ELAVL4: variants seen among roughly 807,000 people sequenced by gnomAD.
ELAVL4 encodes the protein ELAV like RNA binding protein 4, also known as ELAV-like protein 4.
In ELAVL4, 1 loss-of-function variant was observed where a neutral mutation model predicts 35.6. That is an observed-to-expected ratio of 0.03 (90% CI 0.01 to 0.13). The LOEUF is 0.13. Ranked by LOEUF, ELAVL4 falls within the 10% of genes least tolerant of loss-of-function variation. The pLI is 1.00. For missense variants in ELAVL4, 267 were observed against 464.9 expected, an observed-to-expected ratio of 0.57 and a Z score of 3.91; for synonymous variants, 156 against 171.0, an observed-to-expected ratio of 0.91 and a Z score of 0.69.
chr1:50,140,485 C>T (rs1490330799), intron 1 of ELAVL4, among the ~76,000 whole-genome samples: 3 of 152,186 alleles, frequency 2.0e-5, no homozygotes. Context: ...GTTTCATATT[C>T]GTGCATTTAA....
intron 1 of ELAVL4, among the ~76,000 whole-genome samples, chr1:50,076,972 T>A (rs1664791169): frequency 6.6e-6 from 1 of 152,038 alleles, no homozygotes; most frequent in South Asian, 2.1e-4. Context: ...CTAAGGGTAC[T>A]TCCTATTATA....
Position 50,138,072 on chromosome 1 carries a change from G to A in ELAVL4, c.10-6885G>A, listed in dbSNP as rs150225211. Among the ~76,000 whole-genome samples the A allele has an allele frequency of 4.1e-3, 631 of 152,318 alleles. 2 individuals carry two copies. Among genetic ancestry groups the A allele is most frequent in the African/African-American group, 0.014 (565 of 41,568 alleles). ...GCTGAGATAAAAGTGTGGAGGGGCC[G>A]AGTGAAGATGATTGACACTATATGC... On this transcript the variant is annotated intron_variant, in intron 1 of 6. Coordinates refer to ENST00000371824, the MANE Select transcript of ELAVL4 (RefSeq NM_001144774.3).
Position 50,195,711 on chromosome 1 carries a change from C to A in ELAVL4, c.659C>A (p.Ala220Asp). ...ANNPSQKSSQALLSQLYQSPN... is the reference protein window; with the variant it reads ...ANNPSQKSSQDLLSQLYQSPN... ...AACCCCAGCCAGAAGTCCAGCCAGG[C>A]CCTGCTCTCCCAGCTCTACCAGTCC... is the stretch of plus-strand genomic sequence containing the variant. The change falls in exon 5 of 7, where the codon GCC (alanine) becomes GAC (aspartate). Residue 220 changes from alanine to aspartate, a missense_variant. By Grantham distance (126) the Ala-to-Asp change is moderately radical. Transcript: ENST00000371824. 6.2e-7 allele frequency: 1 copy of A among 1,614,150 alleles called. No individual in the cohort carries two copies. Among genetic ancestry groups the A allele is most frequent in the Non-Finnish European group, 8.5e-7 (1 of 1,180,008 alleles).
chr1:50,104,116 C>A, upstream of ELAVL4: 1 of 1,107,900 alleles, frequency 9.0e-7, no homozygotes, highest in Non-Finnish European at 1.4e-6. Context: ...AAACCCGCTT[C>A]ATCTTATTTT....
intron 1 of ELAVL4, among the ~76,000 whole-genome samples, chr1:50,064,876 T>A: frequency 6.6e-6 from 1 of 152,200 alleles, no homozygotes; most frequent in Non-Finnish European, 1.5e-5. Context: ...CTGTCTTGCA[T>A]CCCCAAGTGG....
chr1:50,092,278 G>A (rs1162107689), intron 1 of ELAVL4, among the ~76,000 whole-genome samples: 2 of 152,156 alleles, frequency 1.3e-5, no homozygotes, highest in Non-Finnish European at 2.9e-5. Context: ...TGTCACAAAG[G>A]TGACATTTGA....
chr1:50,073,236 T>A (rs796726836), intron 1 of ELAVL4, among the ~76,000 whole-genome samples: 1 of 152,252 alleles, frequency 6.6e-6, no homozygotes, highest in African/African-American at 2.4e-5. Context: ...GTGGTGGAGT[T>A]AGGATATAAG....
At chr1:50,074,387 A>G (rs1444126296) in intron 1 of ELAVL4, among the ~76,000 whole-genome samples, 1 of 152,208 alleles carries the variant, frequency 6.6e-6, no homozygotes, top group Non-Finnish European at 1.5e-5. Context: ...AAATGGTACT[A>G]CAATAATAAT....
intron 1 of ELAVL4, among the ~76,000 whole-genome samples, chr1:50,118,225 T>G (rs1467332055): frequency 1.3e-5 from 2 of 152,142 alleles, no homozygotes; most frequent in Non-Finnish European, 2.9e-5. Context: ...TCCTTTTCAC[T>G]GTATCAGCTG....
intron 2 of ELAVL4, among the ~76,000 whole-genome samples, chr1:50,176,375 G>A (rs1165756793): frequency 6.6e-6 from 1 of 152,158 alleles, no homozygotes; most frequent in Admixed American, 6.5e-5. Context: ...TTGAATTCTA[G>A]CCATGCCTGC....
At chr1:50,096,254 C>A (rs930934973) in intron 1 of ELAVL4, among the ~76,000 whole-genome samples, 1 of 151,526 alleles carries the variant, frequency 6.6e-6, no homozygotes, top group Admixed American at 6.6e-5. Context: ...GACCCGTAAA[C>A]AACTGTGGTA....
rs1487493299 is a variant in ELAVL4 at position 50,133,620 on chromosome 1, AAAG to A, written c.10-11334_10-11332del. On this transcript the variant is annotated intron_variant, in intron 1 of 6. Coordinates refer to ENST00000371824, the MANE Select transcript of ELAVL4 (RefSeq NM_001144774.3). Reference sequence around the variant, plus strand: ...AAAGAAAAGAAAGAAAGAAAGAAAGAAAGAAAGAAAGAAAGAAAGAAAGAAAGA... The same window carrying A: ...AAAGAAAAGAAAGAAAGAAAGAAAGAAAAGAAAGAAAGAAAGAAAGAAAGA... Among the ~76,000 whole-genome samples the A allele has an allele frequency of 2.0e-5, 3 of 147,416 alleles. No homozygotes were observed. The Admixed American group carries it at 2.1e-4, about 10-fold the overall frequency.
chr1:50,098,065 C>T (rs1025937724), intron 1 of ELAVL4, among the ~76,000 whole-genome samples: 1 of 152,150 alleles, frequency 6.6e-6, no homozygotes, highest in Non-Finnish European at 1.5e-5. Context: ...CACACATTTA[C>T]ATTCATAGGA....
At chr1:50,124,912 TC>T (rs1669640287) in intron 1 of ELAVL4, among the ~76,000 whole-genome samples, 1 of 152,140 alleles carries the variant, frequency 6.6e-6, no homozygotes, top group Non-Finnish European at 1.5e-5. Flanking sequence ...ATAATGATCA[TC>T]ATCATTATTG....
At chr1:50,108,366 T>C (rs1489976513), upstream of ELAVL4, among the ~76,000 whole-genome samples, 3 of 152,198 alleles carry the variant, frequency 2.0e-5, no homozygotes, top group South Asian at 4.1e-4. Context: ...GAAGGAGCAT[T>C]ACTTACTAAA....
At chr1:50,114,048 C>A (rs912434096) in intron 1 of ELAVL4, among the ~76,000 whole-genome samples, 1 of 152,040 alleles carries the variant, frequency 6.6e-6, no homozygotes, top group African/African-American at 2.4e-5. Context: ...TTCAAATATT[C>A]ATTAAAAAAT....
rs1407663589 is a variant in ELAVL4, at chr1:50,200,891, G to A, written c.814G>A (p.Gly272Arg). Residue 272 changes from glycine (G) to arginine (R), a missense_variant, in exon 7 of 7, where the codon GGA (glycine) becomes AGA (arginine). Physicochemically the swap from Gly to Arg is moderately radical, Grantham distance 125 (BLOSUM62 -2). Transcript: ENST00000371824. Reference sequence around the variant, plus strand: ...CATTGATGGAATGACAAGCCTTGTGGGAATGAACATCCCTGGTCACACAGG... The same window carrying A: ...CATTGATGGAATGACAAGCCTTGTGAGAATGAACATCCCTGGTCACACAGG... ...ITIDGMTSLVGMNIPGHTGTG... is the reference protein window; with the variant it reads ...ITIDGMTSLVRMNIPGHTGTG... 4 of 1,613,916 alleles carry A rather than the reference G, an allele frequency of 2.5e-6. No homozygotes were observed. The highest frequency in any genetic ancestry group is 3.4e-6 in the Non-Finnish European group (4 of 1,179,972).
chr1:50,083,927 A>T (rs1250614524), intron 1 of ELAVL4, among the ~76,000 whole-genome samples: 1 of 152,186 alleles, frequency 6.6e-6, no homozygotes, highest in Non-Finnish European at 1.5e-5. Flanking sequence ...TGCATTTTGC[A>T]TAGCTGAGTC....
At chr1:50,137,179 A>C (rs1346074636) in intron 1 of ELAVL4, among the ~76,000 whole-genome samples, 4 of 152,140 alleles carry the variant, frequency 2.6e-5, no homozygotes, top group Admixed American at 1.3e-4. Context: ...CAGTTTGTGG[A>C]CTTTCCATCT....
Sources: allele counts gnomAD v4.1 joint callset (sites outside exome capture counted in the v4.1 genomes callset), GRCh38; gene constraint gnomAD v4.1.1; transcripts MANE v1.5; gene names NCBI Gene and HGNC (gene_info 2026-07-23, HGNC 2026-07-21).